The following NFIB variants were observed in gnomAD, a reference collection of about 807,000 sequenced individuals.
NFIB encodes nuclear factor I B, also known as nuclear factor 1 B-type.
In NFIB, 11 loss-of-function variants were observed where a neutral mutation model predicts 61.5. That is an observed-to-expected ratio of 0.18 (90% CI 0.11 to 0.30). The LOEUF (loss-of-function observed/expected upper bound fraction) is 0.30, where lower values mean the gene tolerates loss of function less well. Among genes scored for constraint, NFIB ranks in the 10% least tolerant of loss-of-function variants. The probability of loss-of-function intolerance (pLI) is 1.00; values close to 1 mark genes in which losing one functional copy is unlikely to be tolerated. For missense variants in NFIB, 471 were observed against 608.9 expected (o/e 0.77, Z 2.38); for synonymous variants, 260 against 216.5 (o/e 1.20, Z -1.76).
chr9:14,137,856 T>C (rs530844929), intron 6 of NFIB, among the ~76,000 whole-genome samples: 240 of 152,274 alleles, frequency 1.6e-3, no homozygotes, highest in African/African-American at 5.5e-3. Flanking sequence ...GATTTTAACC[T>C]GATTTCAGAG....
intron 2 of NFIB, among the ~76,000 whole-genome samples, chr9:14,287,655 C>T (rs938166123): frequency 6.6e-6 from 1 of 151,788 alleles, no homozygotes; most frequent in African/African-American, 2.4e-5. Flanking sequence ...CTACTGACCT[C>T]GTGATCCGCC....
At chr9:14,138,252 C>G (rs1033300499) in intron 6 of NFIB, among the ~76,000 whole-genome samples, 2 of 152,100 alleles carry the variant, frequency 1.3e-5, no homozygotes, top group African/African-American at 4.8e-5. Flanking sequence ...TAAATGACAA[C>G]CACAAATGGC....
the NFIB span, among the ~76,000 whole-genome samples, chr9:14,475,952 C>T: frequency 6.6e-6 from 1 of 152,068 alleles, no homozygotes; most frequent in African/African-American, 2.4e-5. Context: ...TCCCTGAGTT[C>T]CAAAGGACCT....
chr9:14,237,160 A>T (rs552596026), intron 2 of NFIB, among the ~76,000 whole-genome samples: 11 of 152,356 alleles, frequency 7.2e-5, no homozygotes, highest in Admixed American at 7.2e-4. Flanking sequence ...TAATAAATTC[A>T]AGGTAAAATC....
chr9:14,313,679 T>G lies in NFIB; in HGVS notation c.-168A>C, dbSNP rs1403201072. On this transcript the variant is annotated 5_prime_UTR_variant, in exon 1 of 11. Transcript: ENST00000380953. This position sits in a 1 kb window ranked among gnomAD's most constrained non-coding sequence, Gnocchi z 4.5. ...CACAACAAACCCAGTCCTCCTTAAA[T>G]AGCCAAAGATTCAAGTTCACTCGGC... is the stretch of plus-strand genomic sequence containing the variant. 7.6e-6 allele frequency: 11 copies of G among 1,441,100 alleles called. No individual in the cohort carries two copies. The highest frequency in any genetic ancestry group is 1.0e-5 in the Non-Finnish European group (11 of 1,096,386). 89.3% of individuals were successfully genotyped at this position (1,441,100 alleles called of 1,614,324 possible).
At position 14,082,552 on chromosome 9, in the gene NFIB, A is replaced by C. The variant is rs1563762713; in HGVS notation, c.*5757T>G. The C allele has an allele frequency of 4.8e-6, 1 of 207,188 alleles. No homozygotes were observed. The highest frequency in any genetic ancestry group is 2.3e-5 in the African/African-American group (1 of 43,726). 12.8% of individuals were successfully genotyped at this position (207,188 alleles called of 1,614,324 possible). Reference sequence around the variant, plus strand: ...CCTCACATTCTACAATGTTGTAGAGATTTTTTTTCCCAAGAAAATGTCATT... The same window carrying C: ...CCTCACATTCTACAATGTTGTAGAGCTTTTTTTTCCCAAGAAAATGTCATT... On this transcript the variant is annotated 3_prime_UTR_variant, in exon 11 of 11. Transcript: ENST00000380953.
intron 6 of NFIB, among the ~76,000 whole-genome samples, chr9:14,134,907 A>AAAAACAAAAAAAAAAAC (rs2040849934): frequency 1.6e-5 from 2 of 125,864 alleles, no homozygotes; most frequent in African/African-American, 6.1e-5. Context: ...CAAAAAAAAA[A>AAAAACAAAAAAAAAAAC]AAAAAAAAAA....
At chr9:14,192,362 T>C (rs78543794) in intron 2 of NFIB, among the ~76,000 whole-genome samples, 3,991 of 152,268 alleles carry the variant, frequency 0.026, 145 homozygotes, top group African/African-American at 0.081. Context: ...GATGATATTA[T>C]GCAAACTTAA....
chr9:14,368,029 C>T (rs1251973795), intron 1 of NFIB, among the ~76,000 whole-genome samples: 1 of 151,934 alleles, frequency 6.6e-6, no homozygotes, highest in East Asian at 1.9e-4. Context: ...AAACATGGCA[C>T]ATGTACACTT....
intron 2 of NFIB, among the ~76,000 whole-genome samples, chr9:14,245,305 T>C (rs1174329684): frequency 3.3e-5 from 5 of 152,214 alleles, no homozygotes; most frequent in Non-Finnish European, 7.3e-5. Flanking sequence ...TGCCTCCTTC[T>C]TTCTATTCCT....
chr9:14,469,087 A>G, the NFIB span, among the ~76,000 whole-genome samples: 1 of 152,290 alleles, frequency 6.6e-6, no homozygotes, highest in East Asian at 1.9e-4. Context: ...TCCTGTGTCT[A>G]CGTTCCTTTA....
At chr9:14,227,162 A>C (rs2052535380) in intron 2 of NFIB, among the ~76,000 whole-genome samples, 1 of 151,750 alleles carries the variant, frequency 6.6e-6, no homozygotes, top group Non-Finnish European at 1.5e-5. Flanking sequence ...AAAAAAAGAA[A>C]GAAAAGTAAA....
chr9:14,354,834 G>A (rs537523082), intron 1 of NFIB, among the ~76,000 whole-genome samples: 29 of 150,218 alleles, frequency 1.9e-4, no homozygotes, highest in South Asian at 1.7e-3. Context: ...GGATTGTCCC[G>A]TGAAGGATCA....
intron 1 of NFIB, among the ~76,000 whole-genome samples, chr9:14,312,268 T>C (rs1024859896): frequency 6.6e-6 from 1 of 152,376 alleles, no homozygotes; most frequent in Non-Finnish European, 1.5e-5. Flanking sequence ...CTAATTGTCA[T>C]ACAATTGAAA....
intron 9 of NFIB, among the ~76,000 whole-genome samples, chr9:14,115,302 A>G (rs562977534): frequency 1.3e-5 from 2 of 151,684 alleles, no homozygotes; most frequent in Admixed American, 1.3e-4. Context: ...GAAAAAAAAA[A>G]GGTTTGAATT....
At chr9:14,469,314 C>A in the NFIB span, among the ~76,000 whole-genome samples, 2 of 152,170 alleles carry the variant, frequency 1.3e-5, no homozygotes, top group Non-Finnish European at 2.9e-5. Flanking sequence ...TACTGATGAT[C>A]ATTGTGGGTT....
At position 14,164,830 on chromosome 9, in the gene NFIB, A is replaced by C. The variant is rs563070163; in HGVS notation, c.617-8937T>G. On this transcript the variant is annotated intron_variant, in intron 3 of 10. Coordinates refer to ENST00000380953, the MANE Select transcript of NFIB (RefSeq NM_001190737.2). ...CAGTTTATGTTTGGCTTCCAACCCC[A>C]GCTATTCTGATTTAATTGATATGGG... 1.5e-3 allele frequency among the ~76,000 whole-genome samples: 229 copies of C among 152,262 alleles called. 10 individuals carry two copies. In the South Asian group the frequency reaches 0.045, roughly 30 times the overall value.
At chr9:14,175,334 C>T (rs535344899) in intron 3 of NFIB, among the ~76,000 whole-genome samples, 5 of 151,630 alleles carry the variant, frequency 3.3e-5, no homozygotes, top group Non-Finnish European at 5.9e-5. Context: ...CCACCATGCC[C>T]GGCTAATTTT....
At chr9:14,406,309 A>G in the NFIB span, among the ~76,000 whole-genome samples, 1 of 152,152 alleles carries the variant, frequency 6.6e-6, no homozygotes, top group Non-Finnish European at 1.5e-5. Flanking sequence ...CTTTTTCACA[A>G]GGGTATGTTT....
Sources: gnomAD v4.1 joint callset for allele counts (sites outside exome capture counted in the v4.1 genomes callset) on GRCh38, gnomAD v4.1.1 for gene constraint, Gnocchi (gnomAD v3.1) non-coding constraint, MANE v1.5 for transcripts, NCBI Gene and HGNC (gene_info 2026-07-23, HGNC 2026-07-21) for gene names.